The following AK5 variants were observed in gnomAD, a reference collection of about 807,000 sequenced individuals.
The protein encoded by AK5 is adenylate kinase isoenzyme 5.
A neutral mutation model predicts 69.5 loss-of-function variants in AK5; 27 were observed. That is an observed-to-expected ratio of 0.39 (90% CI 0.29 to 0.54). The LOEUF (loss-of-function observed/expected upper bound fraction) is 0.54. Ranked by LOEUF, AK5 falls within the 20% of genes least tolerant of loss-of-function variation. AK5 has a pLI of 0.71. For missense variants in AK5, 531 were observed against 700.4 expected (o/e 0.76, Z 2.73); for synonymous variants, 260 against 244.4 (o/e 1.06, Z -0.60).
chr1:77,504,255 T>C (rs61778706), intron 10 of AK5, among the ~76,000 whole-genome samples: 3,595 of 152,280 alleles, frequency 0.024, 56 homozygotes, highest in Middle Eastern at 0.037. Flanking sequence ...AAATCTCTCC[T>C]AAAACAGATT....
intron 8 of AK5, among the ~76,000 whole-genome samples, chr1:77,477,997 T>G (rs1241511988): frequency 2.0e-5 from 3 of 152,146 alleles, no homozygotes; most frequent in Non-Finnish European, 4.4e-5. Context: ...TGGGCATATC[T>G]GAATACATGA....
intron 3 of AK5, among the ~76,000 whole-genome samples, 183 bp downstream of exon 3, chr1:77,294,143 TA>T (rs1178591082): frequency 1.3e-5 from 2 of 152,240 alleles, no homozygotes; most frequent in Non-Finnish European, 2.9e-5. Flanking sequence ...GAAATTGTTA[TA>T]ATTATATAAT....
At chr1:77,482,442 G>A (rs1374200436) in intron 8 of AK5, among the ~76,000 whole-genome samples, 1 of 152,128 alleles carries the variant, frequency 6.6e-6, no homozygotes, top group Non-Finnish European at 1.5e-5. Flanking sequence ...TTTATTTCAT[G>A]CTTTGGTTCG....
At chr1:77,382,875 G>T (rs1647747609) in intron 6 of AK5, among the ~76,000 whole-genome samples, 1 of 152,148 alleles carries the variant, frequency 6.6e-6, no homozygotes, top group Non-Finnish European at 1.5e-5. Flanking sequence ...GTATTCTTGA[G>T]ACACCTTTCA....
At chr1:77,517,050 G>A (rs1252771733) in intron 10 of AK5, among the ~76,000 whole-genome samples, 2 of 135,630 alleles carry the variant, frequency 1.5e-5, no homozygotes, top group African/African-American at 5.7e-5. Context: ...CAGCCTGGTC[G>A]ATAAAGCAAG....
intron 8 of AK5, among the ~76,000 whole-genome samples, chr1:77,465,071 C>T (rs1477280039): frequency 6.6e-6 from 1 of 152,156 alleles, no homozygotes; most frequent in Non-Finnish European, 1.5e-5. Context: ...TGCTTGCCCT[C>T]CTGCTCTGCA....
chr1:77,526,029 T>A (rs1658260857), intron 12 of AK5, among the ~76,000 whole-genome samples: 1 of 152,220 alleles, frequency 6.6e-6, no homozygotes. Context: ...GTAGATCACT[T>A]TGGGTAATAT....
intron 10 of AK5, among the ~76,000 whole-genome samples, chr1:77,516,113 G>A (rs151170510): frequency 6.6e-6 from 1 of 152,240 alleles, no homozygotes; most frequent in Non-Finnish European, 1.5e-5. Flanking sequence ...GTAAAAAAAT[G>A]TGCTAGAATA....
intron 2 of AK5, among the ~76,000 whole-genome samples, chr1:77,289,457 G>C (rs1658554402): frequency 6.6e-6 from 1 of 152,096 alleles, no homozygotes; most frequent in Non-Finnish European, 1.5e-5. Flanking sequence ...ATCAAGGGGG[G>C]TAAATATGGG....
At chr1:77,499,967 A>G (rs1210475206) in intron 10 of AK5, among the ~76,000 whole-genome samples, 1 of 142,946 alleles carries the variant, frequency 7.0e-6, no homozygotes, top group African/African-American at 2.6e-5. Flanking sequence ...ATGTCTTTAG[A>G]ATGAATGAAT....
chr1:77,419,085 A>G (rs1650632845), intron 8 of AK5, among the ~76,000 whole-genome samples: 1 of 152,112 alleles, frequency 6.6e-6, no homozygotes, highest in African/African-American at 2.4e-5. Context: ...TAATTTACCC[A>G]AGGTTACATA....
At chr1:77,473,251 TC>T (rs1359723041) in intron 8 of AK5, among the ~76,000 whole-genome samples, 1 of 151,784 alleles carries the variant, frequency 6.6e-6, no homozygotes, top group Non-Finnish European at 1.5e-5. Context: ...AGACAGGGTC[TC>T]TGTTGCCCAG....
intron 6 of AK5, among the ~76,000 whole-genome samples, chr1:77,365,648 A>G (rs1393800627): frequency 2.0e-5 from 3 of 152,174 alleles, no homozygotes; most frequent in Admixed American, 1.3e-4. Context: ...GCAGTCCACA[A>G]TAGGGTTCAC....
In AK5 at chr1:77,536,013, A is replaced by T. The variant is rs1658943246; in HGVS notation, c.1595A>T (p.Tyr532Phe). 5 of 1,613,294 alleles carry T rather than the reference A, an allele frequency of 3.1e-6. No homozygotes were observed. The highest frequency in any genetic ancestry group is 1.7e-5 in the Admixed American group (1 of 59,874). The stretch of plus-strand genomic sequence containing the variant: ...GCGTCCATCCCCGTGATCGCCTACT[A>T]CGAGACAAAAACACAGCTACACAAG... ...YRASIPVIAY[Y>F]ETKTQLHKIN... is the part of the protein sequence containing the mutation. Residue 532 changes from tyrosine (Y) to phenylalanine (F), a missense_variant, in exon 13 of 14, where the codon TAC becomes TTC. Physicochemically the swap from Tyr to Phe is conservative, Grantham distance 22. Transcript: ENST00000354567.
chr1:77,482,546 G>T (rs950338426), intron 8 of AK5, among the ~76,000 whole-genome samples: 1 of 152,122 alleles, frequency 6.6e-6, no homozygotes, highest in African/African-American at 2.4e-5. Context: ...GCCGAGGTAG[G>T]CAGATCACTT....
intron 2 of AK5, among the ~76,000 whole-genome samples, chr1:77,291,388 T>C (rs1259828069): frequency 6.6e-6 from 1 of 152,152 alleles, no homozygotes; most frequent in African/African-American, 2.4e-5. Context: ...ACAGCCTAGC[T>C]GCTACTTTTT....
At chr1:77,421,051 G>T (rs1650779941) in intron 8 of AK5, among the ~76,000 whole-genome samples, 1 of 152,138 alleles carries the variant, frequency 6.6e-6, no homozygotes, top group East Asian at 1.9e-4. Flanking sequence ...ATTTAAAAAT[G>T]TAAAATTCAT....
At chr1:77,399,783 C>T (rs944269182) in intron 6 of AK5, among the ~76,000 whole-genome samples, 7 of 152,320 alleles carry the variant, frequency 4.6e-5, no homozygotes, top group African/African-American at 1.7e-4. Flanking sequence ...CCTCAATCCT[C>T]TCAGCAAACT....
intron 5 of AK5, among the ~76,000 whole-genome samples, chr1:77,338,449 T>A (rs1159044061): frequency 6.6e-6 from 1 of 152,216 alleles, no homozygotes; most frequent in Non-Finnish European, 1.5e-5. Flanking sequence ...CTGAGATTAA[T>A]TTTTGGTCTT....
Sources: allele counts gnomAD v4.1 joint callset (sites outside exome capture counted in the v4.1 genomes callset), GRCh38; gene constraint gnomAD v4.1.1; transcripts MANE v1.5; gene names NCBI Gene and HGNC (gene_info 2026-07-23, HGNC 2026-07-21).